Variants in USP3 observed in about 807,000 individuals in gnomAD.
USP3 encodes the protein ubiquitin carboxyl-terminal hydrolase 3.
In USP3, 20 loss-of-function variants were observed where a neutral mutation model predicts 72.3. That is an observed-to-expected ratio of 0.28 (90% CI 0.19 to 0.40). The LOEUF is 0.40. Ranked by LOEUF, USP3 falls within the 10% of genes least tolerant of loss-of-function variation. The pLI is 1.00. For missense variants in USP3, 479 were observed against 633.9 expected, an observed-to-expected ratio of 0.76 and a Z score of 2.62; for synonymous variants, 222 against 225.3, an observed-to-expected ratio of 0.99 and a Z score of 0.13.
chr15:63,543,420 T>A (rs2066274874), intron 3 of USP3, among the ~76,000 whole-genome samples: 1 of 152,178 alleles, frequency 6.6e-6, no homozygotes. Flanking sequence ...GGGAAGAGCG[T>A]TTAGAACACT....
Position 63,570,697 on chromosome 15 carries a change from T to C in USP3, c.908+118T>C, listed in dbSNP as rs1049060973. The C allele has an allele frequency of 4.9e-6, 7 of 1,436,780 alleles. No individual in the cohort carries two copies. The African/African-American group carries it at 1.0e-4, about 21-fold the overall frequency. 89.0% of individuals were successfully genotyped at this position (1,436,780 alleles called of 1,614,324 possible). ...GTTTCTTGGACATTTGCTGGAACTT[T>C]TCGTGCCCTTGAACTTTGTGACCCA... is the stretch of plus-strand genomic sequence containing the variant. On this transcript the variant is annotated intron_variant, in intron 9 of 14. Transcript: ENST00000380324. The surrounding 1 kb of genome is among the most constrained non-coding windows in gnomAD (Gnocchi z 4.4).
chr15:63,518,895 A>G (rs1368980016), intron 1 of USP3, among the ~76,000 whole-genome samples: 1 of 151,972 alleles, frequency 6.6e-6, no homozygotes, highest in Non-Finnish European at 1.5e-5. Context: ...CCTCCTGAGT[A>G]GCTGGGACTA....
At chr15:63,519,710 A>T (rs1477218505) in intron 1 of USP3, among the ~76,000 whole-genome samples, 1 of 152,210 alleles carries the variant, frequency 6.6e-6, no homozygotes, top group Non-Finnish European at 1.5e-5. Flanking sequence ...TCCATTGATG[A>T]TTCTTGCCTG....
At chr15:63,516,841 C>G (rs1361446603) in intron 1 of USP3, among the ~76,000 whole-genome samples, 1 of 150,588 alleles carries the variant, frequency 6.6e-6, no homozygotes, top group East Asian at 1.9e-4. Context: ...TGTATAGGTT[C>G]ACATCCTTGA....
chr15:63,556,147 A>G (rs1346751317), intron 4 of USP3: 1 of 152,274 alleles, frequency 6.6e-6, no homozygotes, highest in African/African-American at 2.4e-5. Context: ...GCGTAGCTGC[A>G]TCTAATGAAT....
chr15:63,577,920 C>A (rs1595766911), intron 11 of USP3, among the ~76,000 whole-genome samples: 1 of 111,668 alleles, frequency 9.0e-6, no homozygotes, highest in South Asian at 2.7e-4. Flanking sequence ...GAGAGTGAGA[C>A]CCTGCCTCAA....
intron 3 of USP3, among the ~76,000 whole-genome samples, chr15:63,547,547 TAGTG>T (rs941217719): frequency 1.3e-5 from 2 of 151,138 alleles, no homozygotes; most frequent in African/African-American, 4.9e-5. Flanking sequence ...CAGGGCAACA[TAGTG>T]AGACCCTGCC....
At chr15:63,527,418 G>A (rs1049184845) in intron 1 of USP3, among the ~76,000 whole-genome samples, 1 of 152,206 alleles carries the variant, frequency 6.6e-6, no homozygotes, top group Non-Finnish European at 1.5e-5. Flanking sequence ...AATAATGGAT[G>A]CACTATAAAT....
intron 1 of USP3, among the ~76,000 whole-genome samples, chr15:63,518,681 A>G (rs974542947): frequency 1.3e-5 from 2 of 152,248 alleles, no homozygotes; most frequent in East Asian, 3.9e-4. Flanking sequence ...TATCATGTAT[A>G]TATTTACTCT....
intron 14 of USP3, among the ~76,000 whole-genome samples, chr15:63,589,770 C>T (rs2067150593): frequency 6.7e-6 from 1 of 149,646 alleles, no homozygotes; most frequent in Non-Finnish European, 1.5e-5. Context: ...TTCCACATGT[C>T]TTAAATACTC....
chr15:63,557,891 T>C (rs2066539741), intron 5 of USP3, among the ~76,000 whole-genome samples: 1 of 152,254 alleles, frequency 6.6e-6, no homozygotes, highest in South Asian at 2.1e-4. Flanking sequence ...GATACTTCTA[T>C]TTAGAACAAT....
intron 1 of USP3, 123 bp from the exon 2 acceptor site, chr15:63,532,524 C>T (rs780243443): frequency 1.2e-4 from 139 of 1,148,564 alleles, no homozygotes; most frequent in Middle Eastern, 3.9e-4. Flanking sequence ...TCACAAAGCA[C>T]GGATTTGCAA....
intron 7 of USP3, among the ~76,000 whole-genome samples, chr15:63,561,561 GC>G (rs1035978567): frequency 6.6e-6 from 1 of 152,114 alleles, no homozygotes; most frequent in Admixed American, 6.5e-5. Context: ...GGTGCTCTTT[GC>G]CCCCCCTGCT....
At chr15:63,562,413 A>G (rs1197344545) in intron 7 of USP3, among the ~76,000 whole-genome samples, 1 of 152,178 alleles carries the variant, frequency 6.6e-6, no homozygotes, top group Non-Finnish European at 1.5e-5. Context: ...AAAAATAGTC[A>G]TGAGAAAATC....
At chr15:63,545,733 G>A (rs1422300054) in intron 3 of USP3, among the ~76,000 whole-genome samples, 2 of 152,002 alleles carry the variant, frequency 1.3e-5, no homozygotes, top group Non-Finnish European at 2.9e-5. Flanking sequence ...ACATTGGGAG[G>A]CTAAGGCGGG....
chr15:63,568,707 T>C (rs1172710434), intron 8 of USP3, among the ~76,000 whole-genome samples: 1 of 152,230 alleles, frequency 6.6e-6, no homozygotes, highest in Non-Finnish European at 1.5e-5. Flanking sequence ...AATGAAGTTA[T>C]ACATTTAAAT....
chr15:63,588,455 T>G lies in USP3; in HGVS notation c.1215+32T>G, dbSNP rs747815636. 1 of 1,477,918 alleles carries G rather than the reference T, an allele frequency of 6.8e-7. No homozygotes were observed. Among genetic ancestry groups the G allele is most frequent in the Non-Finnish European group, 9.3e-7 (1 of 1,070,942 alleles). 91.6% of individuals were successfully genotyped at this position (1,477,918 alleles called of 1,614,324 possible). ...GTTGAATTTTGAGTTATGAAGCAAT[T>G]TCAATGGGAAAGTGCTTGACTGCTA... On this transcript the variant is annotated intron_variant, in intron 12 of 14. Coordinates refer to ENST00000380324, the MANE Select transcript of USP3 (RefSeq NM_006537.4). The surrounding 1 kb of genome is among the most constrained non-coding windows in gnomAD (Gnocchi z 4.6).
rs2067219288 is a variant in USP3 at position 63,592,368 on chromosome 15, G to A, written c.*1542G>A. 6.7e-6 allele frequency: 1 copy of A among 148,854 alleles called. No individual in the cohort carries two copies. The highest frequency in any genetic ancestry group is 2.1e-4 in the South Asian group (1 of 4,716). 9.2% of individuals were successfully genotyped at this position (148,854 alleles called of 1,614,324 possible). A position where few individuals can be genotyped will look rare whatever the true frequency, so the allele number is the denominator to read the frequency against. ...TTTCTTTTTTTTGGTTGGGGGCGGTGGGGGTTGGTAGACATAGCCTACCAA... is the reference window on the plus strand; with the variant it reads ...TTTCTTTTTTTTGGTTGGGGGCGGTAGGGGTTGGTAGACATAGCCTACCAA... On this transcript the variant is annotated 3_prime_UTR_variant, in exon 15 of 15. Coordinates refer to ENST00000380324, the MANE Select transcript of USP3 (RefSeq NM_006537.4).
chr15:63,589,238 T>C (rs2067137573), intron 14 of USP3: 1 of 563,640 alleles, frequency 1.8e-6, no homozygotes, highest in African/African-American at 1.9e-5. Context: ...GAACCCAGTA[T>C]TTACGACCCA....
Sources: allele counts gnomAD v4.1 joint callset (sites outside exome capture counted in the v4.1 genomes callset), GRCh38; gene constraint gnomAD v4.1.1; non-coding constraint Gnocchi (gnomAD v3.1); transcripts MANE v1.5; gene names NCBI Gene and HGNC (gene_info 2026-07-23, HGNC 2026-07-21).